Variants in PTCHD4 observed in about 807,000 individuals in gnomAD.
PTCHD4 encodes the protein patched domain-containing protein 4.
A neutral mutation model predicts 58.1 loss-of-function variants in PTCHD4; 33 were observed. The ratio of observed to expected loss-of-function variants is 0.57; its 90% CI spans 0.43 to 0.76. The LOEUF is 0.76. Ranked by LOEUF, PTCHD4 falls within the 30% of genes least tolerant of loss-of-function variation. The probability of loss-of-function intolerance (pLI) is 0.00; values close to 1 mark genes in which losing one functional copy is unlikely to be tolerated. For synonymous variants in PTCHD4, 478 were observed against 409.6 expected, an observed-to-expected ratio of 1.17 and a Z score of -2.02; for missense variants, 1,058 against 1,027.1, an observed-to-expected ratio of 1.03 and a Z score of -0.41.
intron 4 of PTCHD4, among the ~76,000 whole-genome samples, chr6:47,902,092 G>A (rs1462514623): frequency 6.6e-6 from 1 of 151,950 alleles, no homozygotes; most frequent in Non-Finnish European, 1.5e-5. Context: ...TCTGATTCTG[G>A]GTGAATCAAC....
chr6:47,880,321 C>T (rs1413838773), intron 4 of PTCHD4, among the ~76,000 whole-genome samples: 2 of 152,180 alleles, frequency 1.3e-5, no homozygotes, highest in Non-Finnish European at 2.9e-5. Flanking sequence ...AACATCATGT[C>T]AAGTGCTTGG....
intron 4 of PTCHD4, among the ~76,000 whole-genome samples, chr6:48,000,237 A>G (rs1054678680): frequency 6.6e-6 from 1 of 152,190 alleles, no homozygotes; most frequent in Non-Finnish European, 1.5e-5. Context: ...TTATGTTAAC[A>G]TGATCAAGGC....
intron 3 of PTCHD4, among the ~76,000 whole-genome samples, chr6:48,057,063 C>A (rs1027707339): frequency 2.6e-5 from 4 of 152,270 alleles, no homozygotes; most frequent in Non-Finnish European, 5.9e-5. Flanking sequence ...TATTTGGCAA[C>A]CCATCAGGTG....
chr6:48,041,955 T>C (rs558871994), intron 3 of PTCHD4, among the ~76,000 whole-genome samples: 2 of 152,190 alleles, frequency 1.3e-5, no homozygotes, highest in African/African-American at 4.8e-5. Flanking sequence ...AAAATTTCTT[T>C]GCTGACTGCT....
intron 4 of PTCHD4, among the ~76,000 whole-genome samples, chr6:47,912,001 C>A (rs1765085536): frequency 6.6e-6 from 1 of 152,014 alleles, no homozygotes; most frequent in Non-Finnish European, 1.5e-5. Flanking sequence ...AAGAATGTGG[C>A]AACAAGGAGT....
In PTCHD4 at chr6:47,861,430, T is replaced by C. The variant is rs1411446830; in HGVS notation, c.*16873A>G. 6.6e-6 allele frequency among the ~76,000 whole-genome samples: 1 copy of C among 151,990 alleles called. No homozygotes were observed. The highest frequency in any genetic ancestry group is 1.5e-5 in the Non-Finnish European group (1 of 67,922). The stretch of plus-strand genomic sequence containing the variant: ...TTTACACTTACATTCACTAATTTGT[T>C]TAAGTGTATTAATTTCAAACAAAAA... On this transcript the variant is annotated 3_prime_UTR_variant, in exon 5 of 5. Coordinates refer to ENST00000339488, the MANE Select transcript of PTCHD4 (RefSeq NM_001384253.1).
intron 4 of PTCHD4, among the ~76,000 whole-genome samples, chr6:47,966,764 C>A (rs1002258927): frequency 2.0e-5 from 3 of 152,220 alleles, no homozygotes; most frequent in African/African-American, 7.2e-5. Context: ...TAAGAAGCAA[C>A]TCCTCATCTG....
At chr6:48,057,676 T>C (rs1188840611) in intron 3 of PTCHD4, among the ~76,000 whole-genome samples, 3 of 152,322 alleles carry the variant, frequency 2.0e-5, no homozygotes, top group South Asian at 2.1e-4. Flanking sequence ...AGAGTATGAA[T>C]GATGATAAGA....
In PTCHD4 at chr6:47,931,009, T is replaced by C. The variant is rs180859828; in HGVS notation, c.899-51073A>G. ...CATGTTGGCTAAGCTGGTCTTGAAC[T>C]CCTGACCTCAGGTGATCCACCCGCC... On this transcript the variant is annotated intron_variant, in intron 4 of 4. Transcript: ENST00000339488. Among the ~76,000 whole-genome samples the C allele has an allele frequency of 2.1e-3, 323 of 152,334 alleles. 1 individual carries two copies. Among genetic ancestry groups the C allele is most frequent in the African/African-American group, 7.3e-3 (305 of 41,584 alleles).
At chr6:47,917,601 A>G (rs993946234) in intron 4 of PTCHD4, among the ~76,000 whole-genome samples, 2 of 152,148 alleles carry the variant, frequency 1.3e-5, no homozygotes, top group African/African-American at 4.8e-5. Flanking sequence ...CTATGCATAT[A>G]CTTTTATAAA....
chr6:47,912,616 A>T lies in PTCHD4; in HGVS notation c.899-32680T>A, dbSNP rs374022220. Among the ~76,000 whole-genome samples the T allele has an allele frequency of 9.9e-5, 15 of 152,204 alleles. No individual in the cohort carries two copies. The South Asian group carries it at 2.5e-3, about 25-fold the overall frequency. On this transcript the variant is annotated intron_variant, in intron 4 of 4. Transcript: ENST00000339488. ...ACCTTCTTTGAATGTTTTCTTTTTC[A>T]GACATTTAATAATTCAAATGAATAA...
In PTCHD4 at chr6:47,879,355, T is replaced by A. The variant is rs758095339; in HGVS notation, c.1480A>T (p.Ser494Cys). 6.2e-7 allele frequency: 1 copy of A among 1,613,478 alleles called. No individual in the cohort carries two copies. The highest frequency in any genetic ancestry group is 1.1e-5 in the South Asian group (1 of 91,032). Residue 494 changes from serine to cysteine, a missense_variant, in exon 5 of 5, where the codon AGT becomes TGT. Physicochemically the swap from Ser to Cys is moderately radical, Grantham distance 112. Coordinates refer to ENST00000339488, the MANE Select transcript of PTCHD4 (RefSeq NM_001384253.1). Reference protein sequence around the residue: ...DGANIINLLASDSPSVSYAMV... With the variant: ...DGANIINLLACDSPSVSYAMV... ...GCATAGGAAACACTTGGCGAATCACTGGCTAGTAGATTGATGATGTTGGCT... is the reference window on the plus strand; with the variant it reads ...GCATAGGAAACACTTGGCGAATCACAGGCTAGTAGATTGATGATGTTGGCT...
chr6:48,044,091 G>T (rs1294439761), intron 3 of PTCHD4, among the ~76,000 whole-genome samples: 3 of 151,786 alleles, frequency 2.0e-5, no homozygotes, highest in Non-Finnish European at 4.4e-5. Flanking sequence ...ACTGGTGGGG[G>T]TTGTTGAAAG....
intron 3 of PTCHD4, among the ~76,000 whole-genome samples, chr6:48,042,966 CTT>C (rs1323388382): frequency 6.6e-6 from 1 of 151,882 alleles, no homozygotes; most frequent in African/African-American, 2.4e-5. Flanking sequence ...TCTGATGAAT[CTT>C]TGTGATCTTG....
chr6:47,951,241 G>A (rs1219932514), intron 4 of PTCHD4, among the ~76,000 whole-genome samples: 1 of 152,138 alleles, frequency 6.6e-6, no homozygotes, highest in Non-Finnish European at 1.5e-5. Context: ...TACAGTTCTA[G>A]TAGTAGCTCA....
At chr6:48,093,624 G>T (rs918606799) in intron 1 of PTCHD4, among the ~76,000 whole-genome samples, 15 of 151,998 alleles carry the variant, frequency 9.9e-5, no homozygotes, top group Non-Finnish European at 2.2e-4. Context: ...TGCTGGAAAA[G>T]AATTTTTATT....
chr6:47,905,753 G>A (rs1232764785), intron 4 of PTCHD4, among the ~76,000 whole-genome samples: 1 of 152,214 alleles, frequency 6.6e-6, no homozygotes, highest in Non-Finnish European at 1.5e-5. Flanking sequence ...CCTCGATCAT[G>A]TCACTGAACT....
At chr6:48,060,594 C>T (rs1338296531) in intron 3 of PTCHD4, among the ~76,000 whole-genome samples, 1 of 152,190 alleles carries the variant, frequency 6.6e-6, no homozygotes, top group East Asian at 1.9e-4. Context: ...CTACCTCTGC[C>T]TCTCAAGTAG....
Position 48,109,921 on chromosome 6 carries a change from A to G in PTCHD4, c.-970+1128T>C, listed in dbSNP as rs115927505. ...TTGGGATGGCTATTATTTTAAAAAT[A>G]AAACTTAAAAAGAGAGAAAAAAAAC... On this transcript the variant is annotated intron_variant, in intron 1 of 4. Coordinates refer to ENST00000339488, the MANE Select transcript of PTCHD4 (RefSeq NM_001384253.1). Among the ~76,000 whole-genome samples, 293 of 152,284 alleles carry G rather than the reference A, an allele frequency of 1.9e-3. 1 individual carries two copies. The highest frequency in any genetic ancestry group is 6.6e-3 in the African/African-American group (273 of 41,580).
Sources: allele counts gnomAD v4.1 joint callset (sites outside exome capture counted in the v4.1 genomes callset), GRCh38; gene constraint gnomAD v4.1.1; transcripts MANE v1.5; gene names NCBI Gene and HGNC (gene_info 2026-07-23, HGNC 2026-07-21).